Variants in ESRRG observed in about 807,000 individuals in gnomAD.
ESRRG encodes estrogen-related receptor gamma.
A neutral mutation model predicts 44.0 loss-of-function variants in ESRRG; 13 were observed. The observed-to-expected ratio is 0.30, with a 90% CI of 0.19 to 0.47. The LOEUF (loss-of-function observed/expected upper bound fraction) is 0.47. ESRRG is among the 20% of genes least tolerant of loss of function. The probability of loss-of-function intolerance (pLI) is 1.00; values close to 1 mark genes in which losing one functional copy is unlikely to be tolerated. For synonymous variants in ESRRG, 215 were observed against 214.6 expected (o/e 1.00, Z -0.02); for missense variants, 395 against 580.6 (o/e 0.68, Z 3.29).
intron 2 of ESRRG, among the ~76,000 whole-genome samples, chr1:216,905,234 G>A (rs1024062812): frequency 1.3e-5 from 2 of 152,014 alleles, no homozygotes; most frequent in African/African-American, 2.4e-5. Context: ...GAATGCAATC[G>A]GGTCTCAGCT....
At chr1:217,062,476 C>T (rs894465703) in intron 1 of ESRRG, among the ~76,000 whole-genome samples, 1 of 152,148 alleles carries the variant, frequency 6.6e-6, no homozygotes, top group African/African-American at 2.4e-5. Flanking sequence ...TGTCTCTTTA[C>T]ATTTGAGATC....
chr1:216,688,617 G>C (rs2078471650), intron 1 of ESRRG, among the ~76,000 whole-genome samples: 1 of 152,040 alleles, frequency 6.6e-6, no homozygotes. Flanking sequence ...TGTGAAGCAG[G>C]CTCTCTTCCA....
At chr1:216,909,675 G>A (rs748250231) in intron 2 of ESRRG, among the ~76,000 whole-genome samples, 26 of 151,992 alleles carry the variant, frequency 1.7e-4, no homozygotes, top group Non-Finnish European at 2.4e-4. Context: ...GTGAGCCACC[G>A]TGCCCGGCCT....
At chr1:216,584,158 A>G (rs1385901460) in intron 3 of ESRRG, among the ~76,000 whole-genome samples, 1 of 152,078 alleles carries the variant, frequency 6.6e-6, no homozygotes, top group South Asian at 2.1e-4. Context: ...TTAATTATGT[A>G]TATACATATA....
At chr1:216,947,570 CGTGA>C (rs2066248736) in intron 1 of ESRRG, among the ~76,000 whole-genome samples, 2 of 152,080 alleles carry the variant, frequency 1.3e-5, no homozygotes, top group Non-Finnish European at 2.9e-5. Flanking sequence ...TGGGGCTGTA[CGTGA>C]GTATTTACAC....
At chr1:216,713,340 A>G (rs1189679413) in intron 1 of ESRRG, among the ~76,000 whole-genome samples, 2 of 150,974 alleles carry the variant, frequency 1.3e-5, no homozygotes, top group African/African-American at 4.9e-5. Flanking sequence ...TCCTAACTTT[A>G]TAATTAATCT....
intron 2 of ESRRG, among the ~76,000 whole-genome samples, chr1:216,742,738 G>A (rs2090907700): frequency 6.6e-6 from 1 of 152,000 alleles, no homozygotes; most frequent in Non-Finnish European, 1.5e-5. Flanking sequence ...TTCAGAAAAT[G>A]AATCGTTATG....
At chr1:216,514,175 T>C (rs2043513524) in intron 6 of ESRRG, among the ~76,000 whole-genome samples, 1 of 152,090 alleles carries the variant, frequency 6.6e-6, no homozygotes, top group South Asian at 2.1e-4. Flanking sequence ...TACCTAAAAA[T>C]TGCAATACTG....
chr1:216,815,252 T>G (rs2095097775), intron 2 of ESRRG, among the ~76,000 whole-genome samples: 1 of 152,236 alleles, frequency 6.6e-6, no homozygotes, highest in African/African-American at 2.4e-5. Flanking sequence ...CCAGGCACCA[T>G]GCTCAGGGCT....
At chr1:216,759,455 C>T (rs539586773) in intron 2 of ESRRG, among the ~76,000 whole-genome samples, 2 of 152,112 alleles carry the variant, frequency 1.3e-5, no homozygotes, top group African/African-American at 4.8e-5. Flanking sequence ...GTTTTCCCCC[C>T]ATTCACTCAA....
intron 2 of ESRRG, among the ~76,000 whole-genome samples, chr1:216,853,341 G>T (rs551332572): frequency 2.0e-5 from 3 of 152,240 alleles, no homozygotes; most frequent in African/African-American, 7.2e-5. Flanking sequence ...ATCCAGCGTG[G>T]ATTATGCCAC....
chr1:216,881,628 C>A lies in ESRRG; in HGVS notation c.-14+57954G>T, dbSNP rs138236166. Among the ~76,000 whole-genome samples, 397 of 152,184 alleles carry A rather than the reference C, an allele frequency of 2.6e-3. 1 individual carries two copies. Among genetic ancestry groups the A allele is most frequent in the African/African-American group, 9.3e-3 (387 of 41,526 alleles). ...TGCCTACCCTTCTGTTGCTACCTCC[C>A]AGCTCCCCCAACAACAACAACAAAA... On this transcript the variant is annotated intron_variant, in intron 2 of 7. Coordinates refer to the ESRRG transcript ENST00000359162.
chr1:216,885,096 G>C (rs919135663), intron 2 of ESRRG, among the ~76,000 whole-genome samples: 1 of 151,900 alleles, frequency 6.6e-6, no homozygotes, highest in Non-Finnish European at 1.5e-5. Context: ...GAGGAGAAAA[G>C]TGGCTAGATG....
At chr1:216,573,086 T>C (rs1416729661) in intron 3 of ESRRG, among the ~76,000 whole-genome samples, 2 of 152,044 alleles carry the variant, frequency 1.3e-5, no homozygotes, top group Non-Finnish European at 2.9e-5. Flanking sequence ...CTAAAATTTT[T>C]AGCCTTGCAT....
intron 2 of ESRRG, among the ~76,000 whole-genome samples, chr1:216,829,335 C>T (rs2095448038): frequency 6.6e-6 from 1 of 151,964 alleles, no homozygotes; most frequent in African/African-American, 2.4e-5. Flanking sequence ...ACGAAAGGGC[C>T]ATTCACTGGT....
upstream of ESRRG, among the ~76,000 whole-genome samples, chr1:217,091,147 A>G (rs1333434834): frequency 6.6e-6 from 1 of 152,182 alleles, no homozygotes. Context: ...ATCAATAATT[A>G]TCCATTTGGA....
intron 3 of ESRRG, among the ~76,000 whole-genome samples, chr1:216,573,457 A>C (rs1246900283): frequency 2.0e-5 from 3 of 151,948 alleles, no homozygotes; most frequent in Non-Finnish European, 4.4e-5. Context: ...CATTATGGTT[A>C]TTATACGAAT....
At chr1:217,040,195 G>A (rs778728097) in intron 1 of ESRRG, among the ~76,000 whole-genome samples, 2 of 152,088 alleles carry the variant, frequency 1.3e-5, no homozygotes, top group Non-Finnish European at 2.9e-5. Context: ...ATTTCAGGCT[G>A]GTGGTTGCAA....
chr1:216,851,868 A>C (rs1577242083), intron 2 of ESRRG, among the ~76,000 whole-genome samples: 1 of 152,352 alleles, frequency 6.6e-6, no homozygotes, highest in East Asian at 1.9e-4. Flanking sequence ...TAGGAAGAGT[A>C]GAAAAATCAC....
Sources: allele counts gnomAD v4.1 joint callset (sites outside exome capture counted in the v4.1 genomes callset), GRCh38; gene constraint gnomAD v4.1.1; transcripts MANE v1.5; gene names NCBI Gene and HGNC (gene_info 2026-07-23, HGNC 2026-07-21).